Variants in AGBL3 observed in about 807,000 individuals in gnomAD.
AGBL3 encodes the protein cytosolic carboxypeptidase 3.
A neutral mutation model predicts 94.5 loss-of-function variants in AGBL3; 68 were observed. The observed-to-expected ratio is 0.72, with a 90% confidence interval of 0.59 to 0.88. AGBL3 has a LOEUF of 0.88. Among genes scored for constraint, AGBL3 ranks in the 40% least tolerant of loss-of-function variants. The pLI is 0.00. For missense variants in AGBL3, 934 were observed against 1,103.8 expected (o/e 0.85, Z 2.18); for synonymous variants, 354 against 370.7 (o/e 0.95, Z 0.52).
At chr7:135,040,093 A>C (rs1816702218) in intron 8 of AGBL3, among the ~76,000 whole-genome samples, 1 of 152,352 alleles carries the variant, frequency 6.6e-6, no homozygotes, top group Middle Eastern at 3.4e-3. Context: ...CTATGCACAT[A>C]AATTTAACAA....
chr7:135,096,783 G>GAAAT (rs1216161874), intron 15 of AGBL3, among the ~76,000 whole-genome samples: 13 of 148,866 alleles, frequency 8.7e-5, no homozygotes, highest in African/African-American at 3.3e-4. Flanking sequence ...AAGAAAGAAA[G>GAAAT]AAAGAAAGAA....
At chr7:135,127,549 CT>C (rs757121303) in intron 16 of AGBL3, among the ~76,000 whole-genome samples, 2 of 33,664 alleles carry the variant, frequency 5.9e-5, no homozygotes, top group Non-Finnish European at 1.6e-4. Flanking sequence ...AAGTCTCCGT[CT>C]AAAAAAAAAA....
intron 12 of AGBL3, among the ~76,000 whole-genome samples, chr7:135,074,438 A>T (rs916478218): frequency 6.6e-5 from 10 of 152,186 alleles, no homozygotes; most frequent in African/African-American, 9.6e-5. Context: ...CCAGAAGAAG[A>T]GGGAATGGGT....
chr7:135,013,663 ACTTCCG>A (rs1169852250), intron 4 of AGBL3, among the ~76,000 whole-genome samples: 1 of 151,706 alleles, frequency 6.6e-6, no homozygotes, highest in Non-Finnish European at 1.5e-5. Flanking sequence ...AGTACAAGAC[ACTTCCG>A]CTGACAGTCA....
chr7:135,101,735 A>C (rs1823857535), intron 15 of AGBL3, among the ~76,000 whole-genome samples: 1 of 152,136 alleles, frequency 6.6e-6, no homozygotes, highest in Admixed American at 6.5e-5. Context: ...TGAAGTGCCC[A>C]ACAGAAGGGC....
chr7:135,107,912 T>G (rs1824990290), intron 15 of AGBL3, among the ~76,000 whole-genome samples: 1 of 152,198 alleles, frequency 6.6e-6, no homozygotes, highest in South Asian at 2.1e-4. Flanking sequence ...GGTACATATA[T>G]ATTTAGAATA....
chr7:135,000,021 C>T (rs1811515559), intron 4 of AGBL3, among the ~76,000 whole-genome samples: 1 of 152,172 alleles, frequency 6.6e-6, no homozygotes. Context: ...AAAGTAGGCT[C>T]CAGTGGAAAA....
At chr7:135,010,295 G>T (rs1338573868) in intron 4 of AGBL3, 1 of 256,678 alleles carries the variant, frequency 3.9e-6, no homozygotes, top group Non-Finnish European at 7.5e-6. Context: ...CAAAGTGCTG[G>T]GTTTTTTTTT....
At chr7:135,109,319 G>C (rs10227718) in intron 15 of AGBL3, among the ~76,000 whole-genome samples, 145,055 of 152,302 alleles carry the variant, frequency 0.95, 69,413 homozygotes, top group Non-Finnish European at 1. Flanking sequence ...GGCTGCAAGA[G>C]AGCAAAGATG....
At chr7:135,103,322 A>G (rs1207084797) in intron 15 of AGBL3, among the ~76,000 whole-genome samples, 2 of 152,136 alleles carry the variant, frequency 1.3e-5, no homozygotes, top group Non-Finnish European at 2.9e-5. Flanking sequence ...AGTTCCTTAT[A>G]CTAGTCTCTC....
chr7:135,135,374 C>A lies in AGBL3; in HGVS notation c.*113C>A. 1 of 869,688 alleles carries A rather than the reference C, an allele frequency of 1.1e-6. No homozygotes were observed. Among genetic ancestry groups the A allele is most frequent in the Non-Finnish European group, 1.6e-6 (1 of 629,622 alleles). The allele number at this position is 869,688 out of a possible 1,614,324, so 53.9% of individuals were successfully genotyped here. A position where few individuals can be genotyped will look rare whatever the true frequency, so the allele number is the denominator to read the frequency against. On this transcript the variant is annotated 3_prime_UTR_variant, in exon 17 of 17. Coordinates refer to ENST00000436302, the MANE Select transcript of AGBL3 (RefSeq NM_178563.4). The stretch of plus-strand genomic sequence containing the variant: ...CCCTTTCCCTATCTCTCCCCTTACA[C>A]ATGCATATGCATAAACTAAAAATTT...
At chr7:134,999,745 A>T (rs1359327571) in intron 4 of AGBL3, among the ~76,000 whole-genome samples, 2 of 152,174 alleles carry the variant, frequency 1.3e-5, no homozygotes, top group Non-Finnish European at 2.9e-5. Context: ...CCAAACTTTG[A>T]TTATTTTTAA....
intron 4 of AGBL3, among the ~76,000 whole-genome samples, chr7:134,994,471 G>A (rs572061261): frequency 9.9e-5 from 15 of 151,748 alleles, no homozygotes; most frequent in Admixed American, 1.3e-4. Context: ...TCTCCAATCC[G>A]TGCACAGGCA....
intron 11 of AGBL3, among the ~76,000 whole-genome samples, chr7:135,057,744 T>C (rs988854757): frequency 6.6e-6 from 1 of 152,182 alleles, no homozygotes; most frequent in African/African-American, 2.4e-5. Context: ...AATAGGTGAA[T>C]GGATAAAGAA....
At chr7:135,122,621 G>T (rs1235672969) in intron 16 of AGBL3, among the ~76,000 whole-genome samples, 1 of 152,158 alleles carries the variant, frequency 6.6e-6, no homozygotes, top group Non-Finnish European at 1.5e-5. Flanking sequence ...CCCTATACGT[G>T]AGCAATACTG....
intron 15 of AGBL3, among the ~76,000 whole-genome samples, chr7:135,090,960 G>C (rs1317142268): frequency 6.6e-6 from 1 of 152,120 alleles, no homozygotes; most frequent in East Asian, 1.9e-4. Context: ...CTCCTTCTCT[G>C]GGGGGAGCAC....
At chr7:135,082,063 A>G (rs1484429348) in intron 15 of AGBL3, among the ~76,000 whole-genome samples, 1 of 152,142 alleles carries the variant, frequency 6.6e-6, no homozygotes, top group Admixed American at 6.6e-5. Flanking sequence ...GGCTCATCCA[A>G]CCTCTGGTTG....
At chr7:135,071,778 C>G (rs1401136270) in intron 12 of AGBL3, among the ~76,000 whole-genome samples, 1 of 152,198 alleles carries the variant, frequency 6.6e-6, no homozygotes, top group Non-Finnish European at 1.5e-5. Flanking sequence ...GGATTAAAGA[C>G]TTAAATGTTA....
chr7:135,003,054 T>G (rs1415511685), intron 4 of AGBL3, among the ~76,000 whole-genome samples: 1 of 152,184 alleles, frequency 6.6e-6, no homozygotes, highest in African/African-American at 2.4e-5. Flanking sequence ...TTTTATGTAG[T>G]TACTTTGTCT....
Sources: gnomAD v4.1 joint callset for allele counts (sites outside exome capture counted in the v4.1 genomes callset) on GRCh38, gnomAD v4.1.1 for gene constraint, MANE v1.5 for transcripts, NCBI Gene and HGNC (gene_info 2026-07-23, HGNC 2026-07-21) for gene names.